Variants in ADAM9 observed in about 807,000 individuals in gnomAD.
ADAM9 encodes disintegrin and metalloproteinase domain-containing protein 9.
A neutral mutation model predicts 108.1 loss-of-function variants in ADAM9; 54 were observed. The ratio of observed to expected loss-of-function variants is 0.50; its 90% confidence interval spans 0.40 to 0.63. The LOEUF is 0.63. ADAM9 is among the 20% of genes least tolerant of loss of function. ADAM9 has a pLI of 0.00. For missense variants in ADAM9, 830 were observed against 997.7 expected, an observed-to-expected ratio of 0.83 and a Z score of 2.26; for synonymous variants, 316 against 336.0, an observed-to-expected ratio of 0.94 and a Z score of 0.65.
chr8:39,042,018 C>T lies in ADAM9; in HGVS notation c.1203C>T (p.Cys401=). ...TAACTTTAAATAAAGGAGGAAACTG[C>T]CTTCTTAATATTCCAAAGCCTGATG... ...EKLTLNKGGN[C]LLNIPKPDEA... Residue 401 remains cysteine (C), a synonymous_variant, in exon 12 of 22, where the codon TGC becomes TGT. Coordinates refer to ENST00000487273, the MANE Select transcript of ADAM9 (RefSeq NM_003816.3). 1 of 1,614,030 alleles carries T rather than the reference C, an allele frequency of 6.2e-7. No homozygotes were observed.
intron 12 of ADAM9, among the ~76,000 whole-genome samples, chr8:39,045,586 A>G (rs969099271): frequency 9.9e-5 from 15 of 151,202 alleles, no homozygotes; most frequent in African/African-American, 3.7e-4. Flanking sequence ...ATATATATAT[A>G]TAAAAGATTT....
intron 14 of ADAM9, among the ~76,000 whole-genome samples, chr8:39,060,719 A>G (rs894075490): frequency 7.9e-5 from 12 of 152,362 alleles, no homozygotes; most frequent in African/African-American, 2.9e-4. Flanking sequence ...TCTAATGAGC[A>G]TAATGTTTTC....
At chr8:39,023,367 A>C (rs1836811743) in intron 9 of ADAM9, 42 bp downstream of exon 9, 1 of 1,550,572 alleles carries the variant, frequency 6.4e-7, no homozygotes, top group Admixed American at 1.8e-5. Context: ...AAATAATCAA[A>C]ATAATAATTT....
Position 39,103,890 on chromosome 8 carries a change from A to C in ADAM9, c.*190A>C. On this transcript the variant is annotated 3_prime_UTR_variant, in exon 22 of 22. Coordinates refer to ENST00000487273, the MANE Select transcript of ADAM9 (RefSeq NM_003816.3). The stretch of plus-strand genomic sequence containing the variant: ...TTGTGAAATACAAGGAAATGCAGTA[A>C]AGCCAGGGAATTTACAATAACATTT... The C allele has an allele frequency of 1.4e-6, 1 of 702,000 alleles. No individual in the cohort carries two copies. The highest frequency in any genetic ancestry group is 2.6e-6 in the Non-Finnish European group (1 of 388,014). The allele number at this position is 702,000 out of a possible 1,614,324, so 43.5% of individuals were successfully genotyped here. A position where few individuals can be genotyped will look rare whatever the true frequency, so the allele number is the denominator to read the frequency against.
chr8:39,045,012 ATGTG>A (rs1222345655), intron 12 of ADAM9, among the ~76,000 whole-genome samples: 5 of 102,152 alleles, frequency 4.9e-5, no homozygotes, highest in East Asian at 5.1e-4. Flanking sequence ...ATACCTATGT[ATGTG>A]TATGTGTGTG....
intron 21 of ADAM9, 110 bp downstream of exon 21, chr8:39,102,040 A>G (rs940526034): frequency 6.4e-6 from 6 of 938,690 alleles, no homozygotes; most frequent in African/African-American, 5.0e-5. Context: ...TTTATTGTCA[A>G]CAGTTTACAA....
At chr8:39,020,427 C>T (rs895988212) in intron 7 of ADAM9, among the ~76,000 whole-genome samples, 2 of 151,930 alleles carry the variant, frequency 1.3e-5, no homozygotes, top group African/African-American at 4.8e-5. Context: ...GATTAGATCC[C>T]TAACTGATAA....
At chr8:39,048,168 G>T (rs1202804198) in intron 12 of ADAM9, among the ~76,000 whole-genome samples, 1 of 152,060 alleles carries the variant, frequency 6.6e-6, no homozygotes, top group Non-Finnish European at 1.5e-5. Flanking sequence ...TGATCTACCC[G>T]CCTTGGTCTG....
At chr8:39,074,903 CTT>C (rs1178180888) in intron 15 of ADAM9, among the ~76,000 whole-genome samples, 11 of 113,112 alleles carry the variant, frequency 9.7e-5, no homozygotes, top group African/African-American at 6.6e-5. Context: ...AGCCCAAAAT[CTT>C]TTTTTTTTTT....
intron 15 of ADAM9, among the ~76,000 whole-genome samples, chr8:39,073,965 C>T (rs1838776668): frequency 6.6e-6 from 1 of 152,072 alleles, no homozygotes; most frequent in Admixed American, 6.5e-5. Flanking sequence ...ACATACATAC[C>T]TCATTTTTCT....
chr8:39,047,595 G>A lies in ADAM9; in HGVS notation c.1302+5478G>A, dbSNP rs548125172. On this transcript the variant is annotated intron_variant, in intron 12 of 21. Transcript: ENST00000487273. ...GTTTGTTGATGTGTAAATGTTTATA[G>A]TAGTCTTTTATAATTCTTTTTATTT... Among the ~76,000 whole-genome samples the A allele has an allele frequency of 1.1e-4, 16 of 152,074 alleles. 1 individual carries two copies. The South Asian group carries it at 3.1e-3, about 30-fold the overall frequency.
chr8:39,101,377 A>G (rs1404050614), intron 20 of ADAM9, among the ~76,000 whole-genome samples: 2 of 152,176 alleles, frequency 1.3e-5, no homozygotes, highest in African/African-American at 4.8e-5. Flanking sequence ...TGCAGTCAGA[A>G]TGCACTGTTT....
At chr8:39,020,585 A>G (rs923069484) in intron 7 of ADAM9, among the ~76,000 whole-genome samples, 6 of 152,192 alleles carry the variant, frequency 3.9e-5, no homozygotes, top group Non-Finnish European at 7.3e-5. Flanking sequence ...AATTAGTCAT[A>G]TTTATTTGGC....
intron 11 of ADAM9, among the ~76,000 whole-genome samples, chr8:39,028,893 A>G (rs1837010559): frequency 6.6e-6 from 1 of 152,202 alleles, no homozygotes; most frequent in Admixed American, 6.5e-5. Context: ...CTTCAGTATG[A>G]CAAAACTGGA....
At chr8:39,017,956 GGAAAAAGAGAGA>G (rs908050877) in intron 6 of ADAM9, among the ~76,000 whole-genome samples, 10 of 152,196 alleles carry the variant, frequency 6.6e-5, no homozygotes, top group African/African-American at 2.2e-4. Context: ...ACCCTAGATT[GGAAAAAGAGAGA>G]GATACGGCTT....
chr8:39,045,144 GTATATA>G lies in ADAM9; in HGVS notation c.1302+3029_1302+3034del, dbSNP rs1172477743. Among the ~76,000 whole-genome samples, 91 of 105,582 alleles carry G rather than the reference GTATATA, an allele frequency of 8.6e-4. 7 individuals are homozygous for G. Among genetic ancestry groups the G allele is most frequent in the Middle Eastern group, 5.3e-3 (1 of 188 alleles). 69.3% of individuals were successfully genotyped at this position (105,582 alleles called of 152,430 possible). A position where few individuals can be genotyped will look rare whatever the true frequency, so the allele number is the denominator to read the frequency against. On this transcript the variant is annotated intron_variant, in intron 12 of 21. Transcript: ENST00000487273. ...TGTGTGTGCATACATACATATATGT[GTATATA>G]TGTGTATACATACATATATGTGTAT...
At chr8:39,068,506 C>A (rs1396209946) in intron 14 of ADAM9, among the ~76,000 whole-genome samples, 1 of 151,356 alleles carries the variant, frequency 6.6e-6, no homozygotes, top group Non-Finnish European at 1.5e-5. Context: ...GAAGCCCTGT[C>A]TCTACTAAAA....
At position 39,054,495 on chromosome 8, in the gene ADAM9, C is replaced by T. The variant is rs1452997731; in HGVS notation, c.1317C>T (p.Asp439=). The T allele has an allele frequency of 1.2e-6, 2 of 1,612,436 alleles. No individual in the cohort carries two copies. Among genetic ancestry groups the T allele is most frequent in the South Asian group, 1.1e-5 (1 of 91,054 alleles). Residue 439 remains aspartate, a synonymous_variant, in exon 13 of 22, where the codon GAC becomes GAT. Transcript: ENST00000487273. ...TATGTTCACAGGAATGTGAATTGGA[C>T]CCTTGCTGCGAAGGAAGTACCTGTA... The part of the protein sequence containing the change: ...DCGTPKECEL[D]PCCEGSTCKL...
chr8:39,046,309 A>C (rs1024851513), intron 12 of ADAM9, among the ~76,000 whole-genome samples: 5 of 152,030 alleles, frequency 3.3e-5, no homozygotes, highest in African/African-American at 1.2e-4. Flanking sequence ...TTTGTGTGTC[A>C]GTTTTGTTTC....
Sources: gnomAD v4.1 joint callset for allele counts (sites outside exome capture counted in the v4.1 genomes callset) on GRCh38, gnomAD v4.1.1 for gene constraint, MANE v1.5 for transcripts, NCBI Gene and HGNC (gene_info 2026-07-23, HGNC 2026-07-21) for gene names.